The following SLC7A6 variants were observed in gnomAD, a reference collection of about 807,000 sequenced individuals.
SLC7A6 encodes the protein Y+L amino acid transporter 2.
In SLC7A6, 29 loss-of-function variants were observed where a neutral mutation model predicts 46.6. That is an observed-to-expected ratio of 0.62 (90% confidence interval 0.46 to 0.85). The LOEUF is 0.85. SLC7A6 is among the 40% of genes least tolerant of loss of function. SLC7A6 has a pLI of 0.00. For missense variants in SLC7A6, 527 were observed against 647.6 expected, an observed-to-expected ratio of 0.81 and a Z score of 2.02; for synonymous variants, 276 against 257.3, an observed-to-expected ratio of 1.07 and a Z score of -0.70.
intron 7 of SLC7A6, among the ~76,000 whole-genome samples, chr16:68,293,063 C>A (rs2043089993): frequency 6.6e-6 from 1 of 152,154 alleles, no homozygotes; most frequent in Non-Finnish European, 1.5e-5. Context: ...ACACACCAGT[C>A]CATGTGTTGT....
Position 68,298,685 on chromosome 16 carries a change from T to C in SLC7A6, c.*1357T>C, listed in dbSNP as rs2043217102. 6.6e-6 allele frequency: 1 copy of C among 152,292 alleles called. No individual in the cohort carries two copies. The highest frequency in any genetic ancestry group is 1.9e-4 in the East Asian group (1 of 5,194). 9.4% of individuals were successfully genotyped at this position (152,292 alleles called of 1,614,324 possible). ...GCTGCTTCAACCTGAGTCCGGCTCT[T>C]CAGCAGGCTGCACAAGTGGAAGCAA... On this transcript the variant is annotated 3_prime_UTR_variant, in exon 11 of 11. Coordinates refer to ENST00000219343, the MANE Select transcript of SLC7A6 (RefSeq NM_003983.6).
intron 3 of SLC7A6, chr16:68,287,335 C>A (rs1261706773): frequency 1.6e-6 from 2 of 1,289,804 alleles, no homozygotes; most frequent in Non-Finnish European, 2.0e-6. Context: ...AACCTGCCAT[C>A]TGCATTCAAA....
At position 68,301,373 on chromosome 16, in the gene SLC7A6, C is replaced by T; in HGVS notation, c.*4045C>T. On this transcript the variant is annotated 3_prime_UTR_variant, in exon 11 of 11. Transcript: ENST00000219343. ...ATCCGCTGTCTGCTGCTGCCTCTTT[C>T]CTCCTCACTCAGGCTGTTGTAGTCA... The T allele has an allele frequency of 1.2e-6, 2 of 1,614,148 alleles. No homozygotes were observed. The highest frequency in any genetic ancestry group is 1.7e-6 in the Non-Finnish European group (2 of 1,180,002).
At chr16:68,274,569 A>G (rs1194357739) in intron 2 of SLC7A6, 122 bp from the exon 3 acceptor site, 4 of 758,186 alleles carry the variant, frequency 5.3e-6, no homozygotes, top group African/African-American at 5.3e-5. Context: ...AGACAGGCCT[A>G]TTGTAGTTAG....
chr16:68,283,857 T>C (rs1280971087), intron 3 of SLC7A6, among the ~76,000 whole-genome samples: 1 of 152,226 alleles, frequency 6.6e-6, no homozygotes, highest in Non-Finnish European at 1.5e-5. Flanking sequence ...GCCCAGTTGT[T>C]GACTTTGTTT....
chr16:68,278,370 A>G (rs1449589229), intron 3 of SLC7A6, among the ~76,000 whole-genome samples: 1 of 150,594 alleles, frequency 6.6e-6, no homozygotes, highest in African/African-American at 2.5e-5. Flanking sequence ...TGGCAGGGTC[A>G]TAGGACAATA....
chr16:68,281,501 T>C (rs756150607), intron 3 of SLC7A6, among the ~76,000 whole-genome samples: 4 of 152,210 alleles, frequency 2.6e-5, no homozygotes, highest in Non-Finnish European at 4.4e-5. Flanking sequence ...AAACTCTGTC[T>C]TAAGGGTGCA....
Position 68,296,455 on chromosome 16 carries a change from C to G in SLC7A6, c.1211C>G (p.Ser404Cys). The G allele has an allele frequency of 6.2e-7, 1 of 1,614,148 alleles. No homozygotes were observed. The highest frequency in any genetic ancestry group is 8.5e-7 in the Non-Finnish European group (1 of 1,180,030). Reference protein sequence around the residue: ...SFSYWFFVGLSVVGQLYLRWK... With the variant: ...SFSYWFFVGLCVVGQLYLRWK... ...AGCTACTGGTTCTTCGTGGGCCTGTCTGTTGTTGGACAGCTCTACCTCCGC... is the reference window on the plus strand; with the variant it reads ...AGCTACTGGTTCTTCGTGGGCCTGTGTGTTGTTGGACAGCTCTACCTCCGC... Residue 404 changes from serine to cysteine, a missense_variant, in exon 9 of 11, where the codon TCT (serine) becomes TGT (cysteine). By Grantham distance (112) the Ser-to-Cys change is moderately radical (BLOSUM62 -1). Coordinates refer to ENST00000219343, the MANE Select transcript of SLC7A6 (RefSeq NM_003983.6).
chr16:68,274,987 T>G lies in SLC7A6; in HGVS notation c.261T>G (p.Gly87=), dbSNP rs1217373134. Residue 87 remains glycine, a synonymous_variant, in exon 3 of 11, where the codon GGT becomes GGG. Coordinates refer to ENST00000219343, the MANE Select transcript of SLC7A6 (RefSeq NM_003983.6). The part of the protein sequence containing the change: ...YGMSLIVWAI[G]GLFSVVGALC... Reference sequence around the variant, plus strand: ...TGTCACTGATTGTGTGGGCCATTGGTGGGCTCTTCTCTGTTGTGGGTGCCC... The same window carrying G: ...TGTCACTGATTGTGTGGGCCATTGGGGGGCTCTTCTCTGTTGTGGGTGCCC... 1 of 1,614,220 alleles carries G rather than the reference T, an allele frequency of 6.2e-7. No individual in the cohort carries two copies. The highest frequency in any genetic ancestry group is 1.1e-5 in the South Asian group (1 of 91,084).
intron 3 of SLC7A6, among the ~76,000 whole-genome samples, chr16:68,287,034 G>A (rs1320349530): frequency 6.8e-6 from 1 of 148,092 alleles, no homozygotes; most frequent in Admixed American, 6.8e-5. Context: ...TCTGTCATCA[G>A]GCTGGAGTGC....
Position 68,298,059 on chromosome 16 carries a change from C to T in SLC7A6, c.*731C>T, listed in dbSNP as rs1272097775. 6.6e-6 allele frequency: 1 copy of T among 152,604 alleles called. No individual in the cohort carries two copies. The highest frequency in any genetic ancestry group is 2.4e-5 in the African/African-American group (1 of 41,434). The allele number at this position is 152,604 out of a possible 1,614,324, so 9.5% of individuals were successfully genotyped here. ...TGAACCTTAAAGATTTTTTTACTCA[C>T]GTACCTGTTACACTTTAGCATACAG... On this transcript the variant is annotated 3_prime_UTR_variant, in exon 11 of 11. Coordinates refer to ENST00000219343, the MANE Select transcript of SLC7A6 (RefSeq NM_003983.6).
intron 3 of SLC7A6, 35 bp from the exon 4 acceptor site, chr16:68,287,711 C>G (rs2042966849): frequency 6.2e-7 from 1 of 1,605,250 alleles, no homozygotes; most frequent in Non-Finnish European, 8.5e-7. Context: ...GCCCTCAACT[C>G]AAGCCTGCCA....
At chr16:68,274,656 C>T in intron 2 of SLC7A6, 35 bp from the exon 3 acceptor site, 1 of 1,567,612 alleles carries the variant, frequency 6.4e-7, no homozygotes, top group Non-Finnish European at 8.7e-7. Flanking sequence ...TCACCAGCTC[C>T]TGCCCTAGAC....
chr16:68,291,356 T>G (rs761575331), intron 6 of SLC7A6, 24 bp downstream of exon 6: 33 of 1,613,070 alleles, frequency 2.0e-5, no homozygotes, highest in Non-Finnish European at 2.7e-5. Context: ...GATCCCCATT[T>G]GTTCATCATC....
chr16:68,281,847 T>C (rs2042834680), intron 3 of SLC7A6, among the ~76,000 whole-genome samples: 1 of 152,220 alleles, frequency 6.6e-6, no homozygotes, highest in African/African-American at 2.4e-5. Flanking sequence ...TGGAAAGTAT[T>C]TGCTTTGAAG....
At position 68,299,542 on chromosome 16, in the gene SLC7A6, C is replaced by T. The variant is rs1237685766; in HGVS notation, c.*2214C>T. ...TTTCTGCCAGCTCTTTGTTGTCTGT[C>T]TCCTTAAATCCTTTTCCTGGTGTGC... is the stretch of plus-strand genomic sequence containing the variant. On this transcript the variant is annotated 3_prime_UTR_variant, in exon 11 of 11. Coordinates refer to ENST00000219343, the MANE Select transcript of SLC7A6 (RefSeq NM_003983.6). The T allele has an allele frequency of 1.3e-5, 2 of 152,424 alleles. No homozygotes were observed. The highest frequency in any genetic ancestry group is 4.8e-5 in the African/African-American group (2 of 41,462). 9.4% of individuals were successfully genotyped at this position (152,424 alleles called of 1,614,324 possible).
At chr16:68,275,295 C>A in intron 3 of SLC7A6, 46 bp downstream of exon 3, 1 of 1,562,134 alleles carries the variant, frequency 6.4e-7, no homozygotes, top group Non-Finnish European at 8.7e-7. Flanking sequence ...GTGGGGGGTA[C>A]TATAATAACG....
chr16:68,297,941 T>C lies in SLC7A6; in HGVS notation c.*613T>C, dbSNP rs2043203784. On this transcript the variant is annotated 3_prime_UTR_variant, in exon 11 of 11. Transcript: ENST00000219343. ...TCAAAGTACCCAAAACTGAGTCCCT[T>C]TGGGCTCAGAAATGTCTGTGGTATT... 1 of 152,668 alleles carries C rather than the reference T, an allele frequency of 6.6e-6. No individual in the cohort carries two copies. Among genetic ancestry groups the C allele is most frequent in the Admixed American group, 6.5e-5 (1 of 15,284 alleles). 9.5% of individuals were successfully genotyped at this position (152,668 alleles called of 1,614,324 possible).
intron 2 of SLC7A6, among the ~76,000 whole-genome samples, chr16:68,267,306 C>T (rs542593555): frequency 5.3e-5 from 8 of 150,472 alleles, no homozygotes; most frequent in Admixed American, 2.7e-4. Context: ...CTCCACCTCC[C>T]GGGTTCAAGT....
Sources: allele counts gnomAD v4.1 joint callset (sites outside exome capture counted in the v4.1 genomes callset), GRCh38; gene constraint gnomAD v4.1.1; transcripts MANE v1.5; gene names NCBI Gene and HGNC (gene_info 2026-07-23, HGNC 2026-07-21).